Variants in HSPA12A observed in about 807,000 individuals in gnomAD.
HSPA12A encodes the protein heat shock 70 kDa protein 12A.
In HSPA12A, 28 loss-of-function variants were observed where a neutral mutation model predicts 69.2. That is an observed-to-expected ratio of 0.40 (90% CI 0.30 to 0.55). The LOEUF (loss-of-function observed/expected upper bound fraction) is 0.55, where lower values mean the gene tolerates loss of function less well. Ranked by LOEUF, HSPA12A falls within the 20% of genes least tolerant of loss-of-function variation. The pLI, the probability that HSPA12A is intolerant of heterozygous loss-of-function variation, is 0.38. For synonymous variants in HSPA12A, 345 were observed against 370.5 expected (o/e 0.93, Z 0.79); for missense variants, 686 against 900.7 (o/e 0.76, Z 3.05).
chr10:116,815,358 G>C (rs1175536266), intron 2 of HSPA12A, among the ~76,000 whole-genome samples: 1 of 151,944 alleles, frequency 6.6e-6, no homozygotes, highest in African/African-American at 2.4e-5. Flanking sequence ...TTGAGGCCAG[G>C]AGTTTGAGAC....
At chr10:116,739,015 T>C (rs946095856) in intron 1 of HSPA12A, among the ~76,000 whole-genome samples, 1 of 152,198 alleles carries the variant, frequency 6.6e-6, no homozygotes, top group Admixed American at 6.5e-5. Flanking sequence ...CTTACTTCCT[T>C]TGGGGGCTAT....
intron 1 of HSPA12A, among the ~76,000 whole-genome samples, chr10:116,725,798 C>T (rs1433242475): frequency 3.9e-5 from 6 of 152,056 alleles, no homozygotes; most frequent in African/African-American, 1.5e-4. Context: ...TGCCTCATCG[C>T]TAATATTTCA....
chr10:116,677,154 CT>C (rs1849264425), intron 10 of HSPA12A, among the ~76,000 whole-genome samples: 1 of 152,222 alleles, frequency 6.6e-6, no homozygotes, highest in African/African-American at 2.4e-5. Flanking sequence ...CTGCGCTTGC[CT>C]TACCTCCTTC....
chr10:116,839,967 C>A (rs928139585), intron 1 of HSPA12A, among the ~76,000 whole-genome samples: 1 of 151,796 alleles, frequency 6.6e-6, no homozygotes, highest in South Asian at 2.1e-4. Context: ...CAAGGCATGC[C>A]CCTAGTGAAT....
In HSPA12A at chr10:116,689,600, G is replaced by A. The variant is rs116290783; in HGVS notation, c.663+2751C>T. Among the ~76,000 whole-genome samples the A allele has an allele frequency of 1.7e-3, 249 of 145,492 alleles. 1 individual carries two copies. Among genetic ancestry groups the A allele is most frequent in the African/African-American group, 6.2e-3 (240 of 38,442 alleles). On this transcript the variant is annotated intron_variant, in intron 6 of 11. Transcript: ENST00000369209. ...TTCTCCAGAGAAACAGAAGCAGTAG[G>A]GCATACAGACACACAGACAGACAGA...
At chr10:116,788,521 G>GAC (rs1466928733) in intron 2 of HSPA12A, among the ~76,000 whole-genome samples, 14 of 152,106 alleles carry the variant, frequency 9.2e-5, no homozygotes, top group Non-Finnish European at 2.9e-5. Flanking sequence ...AGGAAAAAGA[G>GAC]ACACCTACAG....
intron 2 of HSPA12A, among the ~76,000 whole-genome samples, chr10:116,803,401 C>T (rs1845000524): frequency 6.6e-6 from 1 of 152,206 alleles, no homozygotes; most frequent in Admixed American, 6.5e-5. Flanking sequence ...GAGGAAGATC[C>T]CATGGGCAAG....
intron 2 of HSPA12A, among the ~76,000 whole-genome samples, chr10:116,757,451 G>T (rs1368406913): frequency 6.6e-6 from 1 of 152,162 alleles, no homozygotes; most frequent in African/African-American, 2.4e-5. Context: ...CTCTCCCAAG[G>T]TCACCTGACT....
intron 2 of HSPA12A, chr10:116,750,248 A>G: frequency 2.5e-6 from 2 of 798,894 alleles, no homozygotes; most frequent in African/African-American, 1.7e-5. Context: ...TGGCATGGGC[A>G]AGATCTATGA....
chr10:116,817,389 G>A (rs1845325389), intron 2 of HSPA12A, among the ~76,000 whole-genome samples: 1 of 152,178 alleles, frequency 6.6e-6, no homozygotes, highest in East Asian at 1.9e-4. Context: ...TTCTGTGCTG[G>A]GTGCTAACCC....
At chr10:116,760,053 T>C (rs1554889142) in intron 2 of HSPA12A, among the ~76,000 whole-genome samples, 1 of 152,254 alleles carries the variant, frequency 6.6e-6, no homozygotes. Context: ...ATCAGCAGTA[T>C]GAAAACAGAC....
intron 2 of HSPA12A, among the ~76,000 whole-genome samples, chr10:116,782,493 C>T (rs1172127288): frequency 1.3e-5 from 2 of 152,086 alleles, no homozygotes; most frequent in African/African-American, 2.4e-5. Context: ...GTGGCATAGT[C>T]CCGGGTGGAA....
intron 1 of HSPA12A, among the ~76,000 whole-genome samples, chr10:116,843,300 A>G (rs1845832349): frequency 6.6e-6 from 1 of 152,240 alleles, no homozygotes. Flanking sequence ...CTGTTTTTAA[A>G]GGCTCCCTTT....
chr10:116,800,852 C>G (rs1268431623), intron 2 of HSPA12A, among the ~76,000 whole-genome samples: 1 of 152,176 alleles, frequency 6.6e-6, no homozygotes, highest in African/African-American at 2.4e-5. Context: ...AAAGTTGCAG[C>G]CTTGAAGCCT....
intron 10 of HSPA12A, among the ~76,000 whole-genome samples, chr10:116,678,348 C>CAAAAAA (rs55780024): frequency 1.7e-4 from 10 of 59,372 alleles, no homozygotes; most frequent in Admixed American, 9.0e-4. Context: ...TGCCAACTTG[C>CAAAAAA]AAAAAAAAAA....
intron 1 of HSPA12A, among the ~76,000 whole-genome samples, chr10:116,709,449 A>G (rs1455134631): frequency 6.6e-6 from 1 of 151,048 alleles, no homozygotes; most frequent in Non-Finnish European, 1.5e-5. Flanking sequence ...TCCATCTCAA[A>G]AAAAAAAAAA....
chr10:116,763,372 CAAT>C (rs1554889459), intron 2 of HSPA12A, among the ~76,000 whole-genome samples: 2 of 152,168 alleles, frequency 1.3e-5, no homozygotes, highest in African/African-American at 4.8e-5. Flanking sequence ...CATTTTCAAG[CAAT>C]AATAACTGAC....
At chr10:116,707,063 T>G (rs1850273255) in intron 2 of HSPA12A, 137 bp downstream of exon 2, 1 of 689,904 alleles carries the variant, frequency 1.4e-6, no homozygotes, top group Non-Finnish European at 2.3e-6. Flanking sequence ...CCAGTGAATG[T>G]GAGGGGCTGT....
At chr10:116,849,867 G>C, upstream of HSPA12A, 2 of 1,031,274 alleles carry the variant, frequency 1.9e-6, no homozygotes, top group South Asian at 1.4e-5. Context: ...TGCGTGTGCG[G>C]AGGAGACTTC....
Sources: allele counts gnomAD v4.1 joint callset (sites outside exome capture counted in the v4.1 genomes callset), GRCh38; gene constraint gnomAD v4.1.1; transcripts MANE v1.5; gene names NCBI Gene and HGNC (gene_info 2026-07-23, HGNC 2026-07-21).